Variants in LCK observed in about 807,000 individuals in gnomAD.
The protein encoded by LCK is LCK proto-oncogene, Src family tyrosine kinase.
Under a neutral mutation model 64.6 loss-of-function variants are expected in LCK, and 14 were observed. The ratio of observed to expected loss-of-function variants is 0.22; its 90% CI spans 0.14 to 0.34. The LOEUF (loss-of-function observed/expected upper bound fraction) is 0.34. LCK is among the 10% of genes least tolerant of loss of function. The pLI is 1.00. For synonymous variants in LCK, 277 were observed against 263.6 expected, an observed-to-expected ratio of 1.05 and a Z score of -0.49; for missense variants, 434 against 668.1, an observed-to-expected ratio of 0.65 and a Z score of 3.86.
At chr1:32,256,440 T>C (rs1639635185) in intron 1 of LCK, among the ~76,000 whole-genome samples, 1 of 151,868 alleles carries the variant, frequency 6.6e-6, no homozygotes, top group African/African-American at 2.4e-5. Flanking sequence ...CTACTAAAAA[T>C]ACAACAAATT....
intron 1 of LCK, among the ~76,000 whole-genome samples, chr1:32,264,466 G>A (rs1252710514): frequency 6.6e-6 from 1 of 151,862 alleles, no homozygotes; most frequent in Non-Finnish European, 1.5e-5. Context: ...AGACCAGCCT[G>A]GGCAACGTAG....
chr1:32,274,566 A>T, intron 2 of LCK, 132 bp downstream of exon 2: 1 of 896,424 alleles, frequency 1.1e-6, no homozygotes, highest in Non-Finnish European at 1.7e-6. Flanking sequence ...AAAGGAAAAG[A>T]GGCCCAGAGA....
chr1:32,253,430 C>T (rs897021082), intron 1 of LCK, among the ~76,000 whole-genome samples: 5 of 152,200 alleles, frequency 3.3e-5, no homozygotes, highest in South Asian at 2.1e-4. Flanking sequence ...GATTAACAGG[C>T]GCGCCACCAT....
chr1:32,274,550 A>G (rs1043637361), intron 2 of LCK, 116 bp downstream of exon 2: 39 of 971,012 alleles, frequency 4.0e-5, no homozygotes, highest in Non-Finnish European at 5.5e-5. Flanking sequence ...CTCCCCTGAA[A>G]TACAGAAAGG....
intron 12 of LCK, among the ~76,000 whole-genome samples, chr1:32,284,091 C>T (rs1200638943): frequency 6.6e-6 from 1 of 151,512 alleles, no homozygotes; most frequent in Non-Finnish European, 1.5e-5. Flanking sequence ...CTATGTTGAC[C>T]AGGCTGGTTT....
At chr1:32,258,838 C>T (rs1460878132) in intron 1 of LCK, among the ~76,000 whole-genome samples, 5 of 145,916 alleles carry the variant, frequency 3.4e-5, no homozygotes, top group Admixed American at 7.0e-5. Context: ...GCCTGTGTGA[C>T]GTGGTGAGAC....
Position 32,276,260 on chromosome 1 carries a change from C to G in LCK, c.632-77C>G. On this transcript the variant is annotated intron_variant, in intron 7 of 12. Coordinates refer to ENST00000336890, the MANE Select transcript of LCK (RefSeq NM_005356.5). This position sits in a 1 kb window ranked among gnomAD's most constrained non-coding sequence, Gnocchi z 4.6. ...CTAGTCCACTTCACCTAGATGGGGGCTTGGAGAAGTGGGGGAGGTGGTGTC... is the reference window on the plus strand; with the variant it reads ...CTAGTCCACTTCACCTAGATGGGGGGTTGGAGAAGTGGGGGAGGTGGTGTC... 2 of 1,506,096 alleles carry G rather than the reference C, an allele frequency of 1.3e-6. No individual in the cohort carries two copies. Among genetic ancestry groups the G allele is most frequent in the Admixed American group, 4.3e-5 (2 of 46,872 alleles). 93.3% of individuals were successfully genotyped at this position (1,506,096 alleles called of 1,614,324 possible).
intron 1 of LCK, among the ~76,000 whole-genome samples, chr1:32,255,513 C>T (rs1021513388): frequency 2.1e-4 from 32 of 152,194 alleles, no homozygotes; most frequent in Admixed American, 2.0e-3. Flanking sequence ...AACTGTTTCA[C>T]TAAACGTTAG....
intron 1 of LCK, among the ~76,000 whole-genome samples, chr1:32,267,527 G>A (rs1639955867): frequency 1.3e-5 from 2 of 152,090 alleles, no homozygotes; most frequent in African/African-American, 4.8e-5. Flanking sequence ...TTGGGAGGTC[G>A]AGGAGGGCAG....
At chr1:32,278,244 T>C (rs986364268) in intron 9 of LCK, among the ~76,000 whole-genome samples, 1 of 152,212 alleles carries the variant, frequency 6.6e-6, no homozygotes, top group Non-Finnish European at 1.5e-5. Flanking sequence ...GTTGCTGTTA[T>C]CTGGCTCTGA....
intron 1 of LCK, among the ~76,000 whole-genome samples, chr1:32,253,846 CACAG>C (rs1343560426): frequency 1.4e-5 from 2 of 145,920 alleles, no homozygotes; most frequent in Non-Finnish European, 3.0e-5. Context: ...CGCAGCCACA[CACAG>C]ACACACACAC....
chr1:32,281,791 G>A (rs760504623), intron 12 of LCK, among the ~76,000 whole-genome samples: 56 of 152,270 alleles, frequency 3.7e-4, no homozygotes, highest in Non-Finnish European at 6.3e-4. Flanking sequence ...AAGGCCGGAT[G>A]CAGTGGCTCA....
intron 9 of LCK, among the ~76,000 whole-genome samples, chr1:32,278,136 A>G (rs1204439824): frequency 6.6e-6 from 1 of 152,148 alleles, no homozygotes; most frequent in Admixed American, 6.6e-5. Context: ...CTGTGATTGC[A>G]CCACTGCACT....
At chr1:32,273,154 AGT>A (rs201360648) in intron 1 of LCK, among the ~76,000 whole-genome samples, 16 of 22,444 alleles carry the variant, frequency 7.1e-4, no homozygotes, top group African/African-American at 1.1e-3. Context: ...GTGGGGGGTG[AGT>A]GTGTGTGTGG....
At chr1:32,255,336 T>C (rs1639604012) in intron 1 of LCK, among the ~76,000 whole-genome samples, 1 of 152,194 alleles carries the variant, frequency 6.6e-6, no homozygotes. Flanking sequence ...CATGAAATAA[T>C]GCAAATAAAG....
intron 1 of LCK, among the ~76,000 whole-genome samples, chr1:32,261,240 ATTTTTTTTT>A (rs533208515): frequency 0.011 from 1,194 of 106,130 alleles, 16 homozygotes; most frequent in African/African-American, 0.044. Flanking sequence ...TGCTTGGCTA[ATTTTTTTTT>A]TTTTTTTTTT....
chr1:32,261,773 G>A (rs1251870814), intron 1 of LCK, among the ~76,000 whole-genome samples: 1 of 150,656 alleles, frequency 6.6e-6, no homozygotes, highest in African/African-American at 2.4e-5. Context: ...CCAACATGGT[G>A]AAACCCCGTC....
intron 1 of LCK, among the ~76,000 whole-genome samples, chr1:32,259,579 C>T (rs1351217969): frequency 2.6e-5 from 4 of 151,254 alleles, no homozygotes; most frequent in Non-Finnish European, 5.9e-5. Flanking sequence ...GAGATTGCAC[C>T]ACTGCACTCC....
At chr1:32,269,948 C>T (rs1382619588) in intron 1 of LCK, among the ~76,000 whole-genome samples, 1 of 152,062 alleles carries the variant, frequency 6.6e-6, no homozygotes, top group Non-Finnish European at 1.5e-5. Flanking sequence ...AAAAGTGAGG[C>T]TTAGGAGGAA....
Sources: allele counts gnomAD v4.1 joint callset (sites outside exome capture counted in the v4.1 genomes callset), GRCh38; gene constraint gnomAD v4.1.1; non-coding constraint Gnocchi (gnomAD v3.1); transcripts MANE v1.5; gene names NCBI Gene and HGNC (gene_info 2026-07-23, HGNC 2026-07-21).